The following GALNT10 variants were observed in gnomAD, a reference collection of about 807,000 sequenced individuals.
GALNT10 encodes the protein polypeptide N-acetylgalactosaminyltransferase 10.
In GALNT10, 41 loss-of-function variants were observed where a neutral mutation model predicts 75.0. The ratio of observed to expected loss-of-function variants is 0.55; its 90% CI spans 0.43 to 0.71. The LOEUF (loss-of-function observed/expected upper bound fraction) is 0.71. Among genes scored for constraint, GALNT10 ranks in the 30% least tolerant of loss-of-function variants. The pLI is 0.00. For synonymous variants in GALNT10, 302 were observed against 313.0 expected, an observed-to-expected ratio of 0.96 and a Z score of 0.37; for missense variants, 727 against 818.5, an observed-to-expected ratio of 0.89 and a Z score of 1.36.
At chr5:154,274,894 T>C (rs953355634) in intron 1 of GALNT10, among the ~76,000 whole-genome samples, 1 of 152,158 alleles carries the variant, frequency 6.6e-6, no homozygotes, top group African/African-American at 2.4e-5. Flanking sequence ...TGGGCATGCA[T>C]GCACTCGCCT....
chr5:154,331,869 G>A (rs1377693189), intron 4 of GALNT10, among the ~76,000 whole-genome samples: 3 of 152,154 alleles, frequency 2.0e-5, no homozygotes, highest in Non-Finnish European at 4.4e-5. Context: ...TTGGGGAGAA[G>A]CTCAATATGC....
intron 1 of GALNT10, among the ~76,000 whole-genome samples, chr5:154,253,116 G>T (rs546154473): frequency 6.7e-6 from 1 of 148,252 alleles, no homozygotes; most frequent in Non-Finnish European, 1.5e-5. Flanking sequence ...TTTAACTTAC[G>T]TCGTATACCT....
intron 4 of GALNT10, among the ~76,000 whole-genome samples, chr5:154,340,456 A>G (rs1755017749): frequency 6.6e-6 from 1 of 152,224 alleles, no homozygotes; most frequent in Non-Finnish European, 1.5e-5. Flanking sequence ...CGCCTGCTAA[A>G]TAAAACAAAA....
At chr5:154,274,897 A>G (rs1372032168) in intron 1 of GALNT10, among the ~76,000 whole-genome samples, 2 of 152,084 alleles carry the variant, frequency 1.3e-5, no homozygotes, top group East Asian at 3.9e-4. Flanking sequence ...GCATGCATGC[A>G]CTCGCCTCTC....
At chr5:154,195,946 G>T (rs1473064344) in intron 1 of GALNT10, among the ~76,000 whole-genome samples, 2 of 151,910 alleles carry the variant, frequency 1.3e-5, no homozygotes, top group African/African-American at 4.8e-5. Flanking sequence ...TTTTGAAACG[G>T]AGTTTTGCTC....
intron 1 of GALNT10, among the ~76,000 whole-genome samples, chr5:154,270,883 A>G (rs1753850621): frequency 1.3e-5 from 2 of 151,056 alleles, no homozygotes; most frequent in Non-Finnish European, 2.9e-5. Context: ...AGTCCCAGCT[A>G]CTCGGGAGGC....
Position 154,376,291 on chromosome 5 carries a change from C to T in GALNT10, c.583C>T (p.Pro195Ser). Residue 195 changes from proline to serine, a missense_variant, in exon 5 of 12, where the codon CCT becomes TCT. Coordinates refer to ENST00000297107, the MANE Select transcript of GALNT10 (RefSeq NM_198321.4). This position sits in a 1 kb window ranked among gnomAD's most constrained non-coding sequence, Gnocchi z 4.1. Reference protein sequence around the residue: ...DFSDREHLKKPLEDYMALFPS... With the variant: ...DFSDREHLKKSLEDYMALFPS... ...CTGTCTCATAGAGCACCTGAAGAAG[C>T]CTCTTGAAGACTACATGGCCCTTTT... The T allele has an allele frequency of 1.2e-6, 2 of 1,609,862 alleles. No individual in the cohort carries two copies. The highest frequency in any genetic ancestry group is 1.7e-6 in the Non-Finnish European group (2 of 1,176,876).
At chr5:154,411,402 C>A (rs1756394733) in intron 9 of GALNT10, among the ~76,000 whole-genome samples, 1 of 152,206 alleles carries the variant, frequency 6.6e-6, no homozygotes, top group Non-Finnish European at 1.5e-5. Context: ...AGTAAAGGTG[C>A]AGGAATCAAG....
At chr5:154,322,249 TG>T (rs1262503824) in intron 3 of GALNT10, among the ~76,000 whole-genome samples, 1 of 152,106 alleles carries the variant, frequency 6.6e-6, no homozygotes, top group African/African-American at 2.4e-5. Flanking sequence ...TCCTGTTCCC[TG>T]GCTGTCTATC....
chr5:154,217,925 T>G (rs1752908710), intron 1 of GALNT10: 2 of 715,042 alleles, frequency 2.8e-6, no homozygotes, highest in African/African-American at 1.9e-5. Context: ...ATAAATAAAT[T>G]GTACAGTTTA....
chr5:154,398,061 A>G (rs1283331647), intron 7 of GALNT10, among the ~76,000 whole-genome samples: 2 of 152,278 alleles, frequency 1.3e-5, no homozygotes, highest in Non-Finnish European at 2.9e-5. Context: ...AGCAATGAAA[A>G]TGAATGGGGA....
chr5:154,332,911 TC>T (rs1364639878), intron 4 of GALNT10, among the ~76,000 whole-genome samples: 3 of 152,174 alleles, frequency 2.0e-5, no homozygotes, highest in Non-Finnish European at 4.4e-5. Flanking sequence ...AGGGCATCCG[TC>T]CTTCAGACAT....
chr5:154,410,973 GC>G (rs1756387354), intron 9 of GALNT10, among the ~76,000 whole-genome samples: 2 of 152,318 alleles, frequency 1.3e-5, no homozygotes, highest in South Asian at 4.1e-4. Flanking sequence ...GCATGGTGTG[GC>G]CCGTGAGGCC....
chr5:154,249,571 G>A (rs1386771014), intron 1 of GALNT10, among the ~76,000 whole-genome samples: 2 of 152,020 alleles, frequency 1.3e-5, no homozygotes, highest in South Asian at 4.2e-4. Context: ...GCCCCCCCCA[G>A]TAACTTGTTT....
chr5:154,396,407 T>C (rs1756020362), intron 7 of GALNT10, among the ~76,000 whole-genome samples: 1 of 152,106 alleles, frequency 6.6e-6, no homozygotes, highest in South Asian at 2.1e-4. Context: ...GAGGGCCTGA[T>C]TGCAAGCCAA....
intron 1 of GALNT10, among the ~76,000 whole-genome samples, chr5:154,229,991 A>G (rs1753123489): frequency 6.6e-6 from 1 of 152,234 alleles, no homozygotes; most frequent in African/African-American, 2.4e-5. Context: ...TGGAAAATGC[A>G]GAGATGAGTA....
At chr5:154,355,107 A>T (rs550504704) in intron 4 of GALNT10, among the ~76,000 whole-genome samples, 45 of 152,300 alleles carry the variant, frequency 3.0e-4, no homozygotes, top group African/African-American at 9.6e-4. Context: ...TGCACGCTGT[A>T]GAGCTGGGGT....
chr5:154,373,613 C>A (rs551834772), intron 4 of GALNT10, among the ~76,000 whole-genome samples: 15 of 152,104 alleles, frequency 9.9e-5, no homozygotes, highest in Non-Finnish European at 5.9e-5. Flanking sequence ...ATAATTGTTC[C>A]CTATAATTGT....
chr5:154,378,933 C>T (rs1394790255), intron 5 of GALNT10, among the ~76,000 whole-genome samples: 1 of 150,960 alleles, frequency 6.6e-6, no homozygotes. Context: ...AAATCTTTCT[C>T]TAGAGGAGAT....
Sources: gnomAD v4.1 joint callset for allele counts (sites outside exome capture counted in the v4.1 genomes callset) on GRCh38, gnomAD v4.1.1 for gene constraint, Gnocchi (gnomAD v3.1) non-coding constraint, MANE v1.5 for transcripts, NCBI Gene and HGNC (gene_info 2026-07-23, HGNC 2026-07-21) for gene names.